The following ELFN1 variants were observed in gnomAD, a reference collection of about 807,000 sequenced individuals.
ELFN1 encodes the protein protein ELFN1.
ELFN1 carries 6 observed loss-of-function variants against 7.6 expected under a neutral mutation model. That is an observed-to-expected ratio of 0.79 (90% CI 0.43 to 1.56). ELFN1 has a LOEUF of 1.56. Among genes scored for constraint, ELFN1 ranks in the 40% most tolerant of loss-of-function variants. ELFN1 has a pLI of 0.01. For synonymous variants in ELFN1, 657 were observed against 588.1 expected (o/e 1.12, Z -1.70); for missense variants, 1,169 against 1,232.2 (o/e 0.95, Z 0.77).
At position 1,707,928 on chromosome 7, in the gene ELFN1, G is replaced by A. The variant is rs1204067995; in HGVS notation, c.-455-1163G>A. 2.0e-5 allele frequency among the ~76,000 whole-genome samples: 3 copies of A among 152,140 alleles called. No individual in the cohort carries two copies. The East Asian group carries it at 5.8e-4, about 29-fold the overall frequency. On this transcript the variant is annotated intron_variant, in intron 2 of 3. Transcript: ENST00000424383. ...GGGGCACAGGCAGACAGACAGACCGGGGGGCCCCTCCTGGCCCCCACTAGG... is the reference window on the plus strand; with the variant it reads ...GGGGCACAGGCAGACAGACAGACCGAGGGGCCCCTCCTGGCCCCCACTAGG...
intron 3 of ELFN1, among the ~76,000 whole-genome samples, chr7:1,742,458 G>A (rs773103525): frequency 8.5e-5 from 13 of 152,246 alleles, no homozygotes; most frequent in Non-Finnish European, 1.5e-4. Context: ...GTCTGGGCAC[G>A]GTGCAGGGAT....
At chr7:1,736,024 G>A (rs1297199920) in intron 3 of ELFN1, among the ~76,000 whole-genome samples, 6 of 152,150 alleles carry the variant, frequency 3.9e-5, no homozygotes, top group Non-Finnish European at 8.8e-5. Flanking sequence ...CGCAGCAGGT[G>A]CACAGGCGGG....
upstream of ELFN1, among the ~76,000 whole-genome samples, chr7:1,670,173 AG>A (rs1778734845): frequency 7.0e-5 from 1 of 14,252 alleles, no homozygotes; most frequent in African/African-American, 2.8e-4. The surrounding 1 kb of genome is among the most constrained non-coding windows in gnomAD (Gnocchi z 6.4). Context: ...GAGGGAGGGA[AG>A]GGGGGCGGGA....
At chr7:1,691,132 C>T (rs964855720) in intron 2 of ELFN1, among the ~76,000 whole-genome samples, 22 of 152,144 alleles carry the variant, frequency 1.4e-4, no homozygotes, top group African/African-American at 5.1e-4. Flanking sequence ...AGTCAGAGAG[C>T]GACAGAGTTG....
intron 3 of ELFN1, among the ~76,000 whole-genome samples, chr7:1,736,728 C>A (rs1780457990): frequency 6.6e-6 from 1 of 152,192 alleles, no homozygotes; most frequent in African/African-American, 2.4e-5. Context: ...TCAACAATTT[C>A]ATGTTAGGAT....
upstream of ELFN1, among the ~76,000 whole-genome samples, chr7:1,668,891 C>T (rs1232790191): frequency 6.6e-6 from 1 of 152,206 alleles, no homozygotes; most frequent in Non-Finnish European, 1.5e-5. Flanking sequence ...GCCCCTGCCC[C>T]CCAGTATTTG....
intron 1 of ELFN1, among the ~76,000 whole-genome samples, chr7:1,686,548 T>C (rs1236348507): frequency 2.0e-5 from 3 of 152,052 alleles, no homozygotes; most frequent in African/African-American, 7.2e-5. Context: ...TTTGCATAGC[T>C]CTGTGGTCAG....
rs1157505386 is a variant in ELFN1, at chr7:1,740,505, C to T, written c.-293-3799C>T. 2.6e-5 allele frequency among the ~76,000 whole-genome samples: 4 copies of T among 152,278 alleles called. No homozygotes were observed. Among genetic ancestry groups the T allele is most frequent in the Admixed American group, 6.5e-5 (1 of 15,294 alleles). ...AGCGGCAGGTGTGAGTGCGGATCAGCGAGGGCACAGGCTGGCGGGGCATCG... is the reference window on the plus strand; with the variant it reads ...AGCGGCAGGTGTGAGTGCGGATCAGTGAGGGCACAGGCTGGCGGGGCATCG... On this transcript the variant is annotated intron_variant, in intron 3 of 3. Transcript: ENST00000424383. This position sits in a 1 kb window ranked among gnomAD's most constrained non-coding sequence, Gnocchi z 5.0.
At chr7:1,694,479 T>C (rs898482514) in intron 2 of ELFN1, among the ~76,000 whole-genome samples, 2 of 152,144 alleles carry the variant, frequency 1.3e-5, no homozygotes, top group Non-Finnish European at 2.9e-5. Context: ...GGGGTGAGGC[T>C]CCGGGAGGGG....
Position 1,747,086 on chromosome 7 carries a change from C to T in ELFN1, c.*3C>T, listed in dbSNP as rs1279692586. The T allele has an allele frequency of 1.4e-6, 2 of 1,473,128 alleles. No homozygotes were observed. Among genetic ancestry groups the T allele is most frequent in the African/African-American group, 1.4e-5 (1 of 69,848 alleles). The allele number at this position is 1,473,128 out of a possible 1,614,324, so 91.3% of individuals were successfully genotyped here. Reference sequence around the variant, plus strand: ...TGTCGGCCCAGCACAAGTCCTGAGCCCCCCAAGACCGGCGATGCCCACTGG... The same window carrying T: ...TGTCGGCCCAGCACAAGTCCTGAGCTCCCCAAGACCGGCGATGCCCACTGG... On this transcript the variant is annotated 3_prime_UTR_variant, in exon 4 of 4. Coordinates refer to ENST00000424383, the MANE Select transcript of ELFN1 (RefSeq NM_001128636.4).
chr7:1,744,837 A>T lies in ELFN1; in HGVS notation c.241A>T (p.Ser81Cys), dbSNP rs1462084332. The T allele has an allele frequency of 6.4e-7, 1 of 1,573,910 alleles. No homozygotes were observed. The highest frequency in any genetic ancestry group is 8.6e-7 in the Non-Finnish European group (1 of 1,158,818). The change falls in exon 4 of 4, where the codon AGC (serine) becomes TGC (cysteine). Residue 81 changes from serine (S) to cysteine (C), a missense_variant. Physicochemically the swap from Ser to Cys is moderately radical, Grantham distance 112. Around this residue, in one of 2 missense-constraint regions of ELFN1, gnomAD observed 255 missense variants for 359.6 expected, o/e 0.71. Transcript: ENST00000424383. The part of the protein sequence containing the change: ...RIRSVQYASL[S>C]RFGNLTYLNL... ...CCGCAGCGTGCAGTACGCCTCGCTC[A>T]GCCGCTTTGGCAACCTCACGTACCT...
intron 3 of ELFN1, among the ~76,000 whole-genome samples, chr7:1,737,683 T>C (rs1438045638): frequency 6.6e-6 from 1 of 152,128 alleles, no homozygotes; most frequent in Non-Finnish European, 1.5e-5. Flanking sequence ...CGCCAGCTCC[T>C]GCTTGAACAC....
rs948469849 is a variant in ELFN1 at position 1,695,826 on chromosome 7, C to G, written c.-456+7676C>G. On this transcript the variant is annotated intron_variant, in intron 2 of 3. Coordinates refer to ENST00000424383, the MANE Select transcript of ELFN1 (RefSeq NM_001128636.4). The surrounding 1 kb of genome is among the most constrained non-coding windows in gnomAD (Gnocchi z 5.1). ...ATTCATTTATTCACAAACATTTACTCAGCAAATCTTGTTGGGCCCGCCAGG... is the reference window on the plus strand; with the variant it reads ...ATTCATTTATTCACAAACATTTACTGAGCAAATCTTGTTGGGCCCGCCAGG... Among the ~76,000 whole-genome samples, 5 of 150,874 alleles carry G rather than the reference C, an allele frequency of 3.3e-5. No individual in the cohort carries two copies. Among genetic ancestry groups the G allele is most frequent in the Admixed American group, 3.3e-4 (5 of 15,168 alleles).
At chr7:1,741,723 G>A (rs1780620073) in intron 3 of ELFN1, among the ~76,000 whole-genome samples, 1 of 152,162 alleles carries the variant, frequency 6.6e-6, no homozygotes, top group African/African-American at 2.4e-5. Context: ...CAACATGCCA[G>A]ACATACAGAC....
Position 1,705,650 on chromosome 7 carries a change from C to G in ELFN1, c.-455-3441C>G, listed in dbSNP as rs1384100036. 6.6e-6 allele frequency among the ~76,000 whole-genome samples: 1 copy of G among 152,258 alleles called. No homozygotes were observed. The highest frequency in any genetic ancestry group is 1.5e-5 in the Non-Finnish European group (1 of 68,050). On this transcript the variant is annotated intron_variant, in intron 2 of 3. Transcript: ENST00000424383. This position sits in a 1 kb window ranked among gnomAD's most constrained non-coding sequence, Gnocchi z 4.3. The stretch of plus-strand genomic sequence containing the variant: ...CTCGCCTCTGGGGGCTGCTGTCCCT[C>G]TGGGCCCTTGCCCTTTCTGGCCCTG...
chr7:1,684,311 A>T (rs552690193), intron 1 of ELFN1, among the ~76,000 whole-genome samples: 1 of 152,156 alleles, frequency 6.6e-6, no homozygotes, highest in Non-Finnish European at 1.5e-5. Context: ...CCTTCTAGAC[A>T]GTATATATTT....
At chr7:1,680,804 C>T (rs1159101193) in intron 1 of ELFN1, among the ~76,000 whole-genome samples, 2 of 141,232 alleles carry the variant, frequency 1.4e-5, no homozygotes, top group Middle Eastern at 3.8e-3. Context: ...TGCAGTGGTG[C>T]GTTCTCGGCT....
At chr7:1,680,278 G>A (rs550236514) in intron 1 of ELFN1, among the ~76,000 whole-genome samples, 5 of 152,278 alleles carry the variant, frequency 3.3e-5, no homozygotes, top group Admixed American at 2.6e-4. Context: ...GGAACAAATT[G>A]TGTGTTTGAT....
At chr7:1,704,084 A>T (rs1779481509) in intron 2 of ELFN1, among the ~76,000 whole-genome samples, 1 of 152,156 alleles carries the variant, frequency 6.6e-6, no homozygotes, top group South Asian at 2.1e-4. Context: ...GGGCTGGAGG[A>T]TGGTTCTGCA....
Sources: gnomAD v4.1 joint callset for allele counts (sites outside exome capture counted in the v4.1 genomes callset) on GRCh38, gnomAD v4.1.1 for gene constraint, gnomAD v4.1.1 regional missense constraint, Gnocchi (gnomAD v3.1) non-coding constraint, MANE v1.5 for transcripts, NCBI Gene and HGNC (gene_info 2026-07-23, HGNC 2026-07-21) for gene names.